FBXO6: variants seen among roughly 807,000 people sequenced by gnomAD.
FBXO6 encodes F-box protein 6.
Under a neutral mutation model 25.0 loss-of-function variants are expected in FBXO6, and 13 were observed. That is an observed-to-expected ratio of 0.52 (90% confidence interval 0.34 to 0.83). The LOEUF (loss-of-function observed/expected upper bound fraction) is 0.83, where lower values mean the gene tolerates loss of function less well. FBXO6 is among the 40% of genes least tolerant of loss of function. The pLI is 0.02. For missense variants in FBXO6, 370 were observed against 380.2 expected (o/e 0.97, Z 0.22); for synonymous variants, 138 against 155.3 (o/e 0.89, Z 0.83).
intron 1 of FBXO6, 32 bp downstream of exon 1, chr1:11,664,287 G>C (rs572686325): frequency 1.3e-4 from 20 of 152,154 alleles, no homozygotes; most frequent in Non-Finnish European, 2.8e-4. Flanking sequence ...GTTAGGGGCC[G>C]GGCCGAGAGG....
intron 4 of FBXO6, 189 bp downstream of exon 4, chr1:11,672,212 A>T (rs1640638148): frequency 3.3e-6 from 2 of 598,520 alleles, no homozygotes; most frequent in Non-Finnish European, 6.0e-6. Flanking sequence ...CCACCCTGTG[A>T]CGTAGTCAAC....
At chr1:11,672,481 C>T (rs929391969) in intron 4 of FBXO6, among the ~76,000 whole-genome samples, 5 of 152,022 alleles carry the variant, frequency 3.3e-5, no homozygotes, top group African/African-American at 9.7e-5. Context: ...ATACAGACAG[C>T]GTCTTACCAT....
rs776895142 is a variant in FBXO6 at position 11,673,288 on chromosome 1, G to C, written c.521G>C (p.Arg174Thr). 1.2e-6 allele frequency: 2 copies of C among 1,613,316 alleles called. No individual in the cohort carries two copies. The highest frequency in any genetic ancestry group is 1.1e-5 in the South Asian group (1 of 90,944). ...DIVVKDWFAA[R>T]ADCGCTYQLK... ...AACCCCTCCACCAGGTTTGCTGCCAGAGCCGACTGTGGCTGCACCTACCAA... is the reference window on the plus strand; with the variant it reads ...AACCCCTCCACCAGGTTTGCTGCCACAGCCGACTGTGGCTGCACCTACCAA... Residue 174 changes from arginine to threonine, a missense_variant, in exon 5 of 6, where the codon AGA becomes ACA. Transcript: ENST00000376753. The surrounding 1 kb of genome is among the most constrained non-coding windows in gnomAD (Gnocchi z 4.3).
At chr1:11,665,193 G>GTCC in intron 1 of FBXO6, among the ~76,000 whole-genome samples, 1 of 140,866 alleles carries the variant, frequency 7.1e-6, no homozygotes, top group East Asian at 2.1e-4. Flanking sequence ...TACAGGCACG[G>GTCC]GCCACCAGGC....
At chr1:11,672,090 G>A (rs1640634859) in intron 4 of FBXO6, 67 bp downstream of exon 4, 6 of 1,409,824 alleles carry the variant, frequency 4.3e-6, no homozygotes, top group Middle Eastern at 3.5e-4. Context: ...GCATGTACGT[G>A]AGACAACCCA....
Position 11,669,468 on chromosome 1 carries a change from A to C in FBXO6, c.286+524A>C, listed in dbSNP as rs915746320. 2.7e-3 allele frequency among the ~76,000 whole-genome samples: 396 copies of C among 146,118 alleles called. 4 individuals are homozygous for C. Among genetic ancestry groups the C allele is most frequent in the African/African-American group, 9.0e-3 (348 of 38,580 alleles). On this transcript the variant is annotated intron_variant, in intron 2 of 5. Coordinates refer to ENST00000376753, the MANE Select transcript of FBXO6 (RefSeq NM_018438.6). ...GACAAGAGTGAAACTTTTAGTCTCA[A>C]AAAAAAAAAAAAAATTTTTTTTTCA...
Position 11,673,518 on chromosome 1 carries a change from T to A in FBXO6, c.646-97T>A. 12 of 1,572,672 alleles carry A rather than the reference T, an allele frequency of 7.6e-6. No individual in the cohort carries two copies. In the South Asian group the frequency reaches 1.4e-4, roughly 18 times the overall value. On this transcript the variant is annotated intron_variant, in intron 5 of 5. Coordinates refer to ENST00000376753, the MANE Select transcript of FBXO6 (RefSeq NM_018438.6). The surrounding 1 kb of genome is among the most constrained non-coding windows in gnomAD (Gnocchi z 4.3). ...CAGGGTGCCCCTGCTGGCCTGGAGC[T>A]GTTGCCTTCCAGCCTGGGCAGCTCT... is the stretch of plus-strand genomic sequence containing the variant.
rs114289591 is a variant in FBXO6 at position 11,665,924 on chromosome 1, C to T, written c.-4+1669C>T. On this transcript the variant is annotated intron_variant, in intron 1 of 5. Transcript: ENST00000376753. ...CTAGACTACAAGCATTTTTAATTGA[C>T]AACTTTTACATTTTTTTTCAAATGC... is the stretch of plus-strand genomic sequence containing the variant. 3.2e-3 allele frequency among the ~76,000 whole-genome samples: 484 copies of T among 151,408 alleles called. 5 individuals carry two copies. Among genetic ancestry groups the T allele is most frequent in the African/African-American group, 0.011 (467 of 41,272 alleles).
chr1:11,669,607 T>C lies in FBXO6; in HGVS notation c.286+663T>C, dbSNP rs185483606. On this transcript the variant is annotated intron_variant, in intron 2 of 5. Transcript: ENST00000376753. The stretch of plus-strand genomic sequence containing the variant: ...CTTCACATATACACACACACACATA[T>C]GTATACATATACGTATATACACATG... 9.6e-3 allele frequency among the ~76,000 whole-genome samples: 1,449 copies of C among 151,318 alleles called. 16 individuals carry two copies. Among genetic ancestry groups the C allele is most frequent in the Admixed American group, 0.024 (360 of 15,190 alleles).
intron 1 of FBXO6, among the ~76,000 whole-genome samples, chr1:11,666,080 C>T (rs1406716382): frequency 7.2e-6 from 1 of 138,186 alleles, no homozygotes. Context: ...GCTCTGTTGC[C>T]CAGGCTGGAG....
At chr1:11,672,472 T>A (rs1197529235) in intron 4 of FBXO6, among the ~76,000 whole-genome samples, 2 of 152,000 alleles carry the variant, frequency 1.3e-5, no homozygotes, top group Admixed American at 1.3e-4. Context: ...ATATTTTTAA[T>A]ACAGACAGCG....
chr1:11,667,874 T>C (rs1360948323), intron 1 of FBXO6, among the ~76,000 whole-genome samples: 3 of 152,020 alleles, frequency 2.0e-5, no homozygotes, highest in African/African-American at 4.8e-5. Flanking sequence ...GGGCGGATCA[T>C]GGGGTCAGGA....
chr1:11,669,482 A>AT (rs1408718799), intron 2 of FBXO6, among the ~76,000 whole-genome samples: 2 of 148,874 alleles, frequency 1.3e-5, no homozygotes, highest in Non-Finnish European at 3.0e-5. Flanking sequence ...AAAAAAAAAA[A>AT]TTTTTTTTTC....
At chr1:11,668,059 T>C (rs1640492653) in intron 1 of FBXO6, among the ~76,000 whole-genome samples, 1 of 139,774 alleles carries the variant, frequency 7.2e-6, no homozygotes, top group African/African-American at 2.7e-5. Context: ...ACCACTGCAC[T>C]CCAGCCTGGG....
chr1:11,673,261 T>C lies in FBXO6; in HGVS notation c.510-16T>C. 1 of 1,608,078 alleles carries C rather than the reference T, an allele frequency of 6.2e-7. No homozygotes were observed. The highest frequency in any genetic ancestry group is 8.5e-7 in the Non-Finnish European group (1 of 1,177,028). On this transcript the variant is annotated splice_polypyrimidine_tract_variant and intron_variant, in intron 4 of 5. Transcript: ENST00000376753. This position sits in a 1 kb window ranked among gnomAD's most constrained non-coding sequence, Gnocchi z 4.3. ...CCTCGGTGGCTTGGACACAGGGCTC[T>C]CAACCCCTCCACCAGGTTTGCTGCC...
In FBXO6 at chr1:11,671,982, G is replaced by A. The variant is rs1472377929; in HGVS notation, c.468G>A (p.Glu156=). 6.2e-7 allele frequency: 1 copy of A among 1,614,214 alleles called. No individual in the cohort carries two copies. The highest frequency in any genetic ancestry group is 8.5e-7 in the Non-Finnish European group (1 of 1,180,022). ...VDLVAEGYWE[E]LLDTFRPDIV... ...TTGTAGCCGAGGGCTACTGGGAGGA[G>A]CTACTAGACACATTCCGGCCGGACA... The change falls in exon 4 of 6, where the codon GAG becomes GAA. Residue 156 remains glutamate (E), a synonymous_variant. Transcript: ENST00000376753.
intron 1 of FBXO6, among the ~76,000 whole-genome samples, chr1:11,667,112 A>C (rs763427301): frequency 1.3e-4 from 19 of 150,446 alleles, no homozygotes; most frequent in Non-Finnish European, 2.5e-4. Flanking sequence ...ACGCCATTGC[A>C]CTCCAGCCTG....
rs762156094 is a variant in FBXO6, at chr1:11,668,776, G to T, written c.118G>T (p.Val40Phe). Reference protein sequence around the residue: ...ARQLLLNCRLVCSLWRDLIDL... With the variant: ...ARQLLLNCRLFCSLWRDLIDL... Reference sequence around the variant, plus strand: ...CCAGCTGCTGCTGAACTGCCGCCTGGTCTGCAGCCTCTGGCGGGACCTCAT... The same window carrying T: ...CCAGCTGCTGCTGAACTGCCGCCTGTTCTGCAGCCTCTGGCGGGACCTCAT... The change falls in exon 2 of 6, where the codon GTC becomes TTC. Residue 40 changes from valine (V) to phenylalanine (F), a missense_variant. Val to Phe is a conservative substitution (Grantham distance 50, BLOSUM62 -1). Transcript: ENST00000376753. 3 of 1,614,062 alleles carry T rather than the reference G, an allele frequency of 1.9e-6. No individual in the cohort carries two copies. The highest frequency in any genetic ancestry group is 2.5e-6 in the Non-Finnish European group (3 of 1,180,028).
intron 1 of FBXO6, among the ~76,000 whole-genome samples, chr1:11,667,400 G>A (rs192784362): frequency 1.2e-4 from 19 of 152,322 alleles, no homozygotes; most frequent in Non-Finnish European, 2.2e-4. Context: ...GAACCCGTGC[G>A]CAGTGCAGAG....
Sources: allele counts gnomAD v4.1 joint callset (sites outside exome capture counted in the v4.1 genomes callset), GRCh38; gene constraint gnomAD v4.1.1; non-coding constraint Gnocchi (gnomAD v3.1); transcripts MANE v1.5; gene names NCBI Gene and HGNC (gene_info 2026-07-23, HGNC 2026-07-21).